IL1RAPL1: variants seen among roughly 807,000 people sequenced by gnomAD.
IL1RAPL1 encodes the protein interleukin-1 receptor accessory protein-like 1.
In IL1RAPL1, 3 loss-of-function variants were observed where a neutral mutation model predicts 48.4. The ratio of observed to expected loss-of-function variants is 0.06; its 90% CI spans 0.03 to 0.16. The LOEUF (loss-of-function observed/expected upper bound fraction) is 0.16, where lower values mean the gene tolerates loss of function less well. IL1RAPL1 is among the 10% of genes least tolerant of loss of function. The pLI is 1.00. For synonymous variants in IL1RAPL1, 185 were observed against 187.7 expected, an observed-to-expected ratio of 0.99 and a Z score of 0.12; for missense variants, 349 against 530.6, an observed-to-expected ratio of 0.66 and a Z score of 3.36.
chrX:29,029,493 T>G (rs1406839959), intron 2 of IL1RAPL1, among the ~76,000 whole-genome samples: 1 of 111,849 alleles, frequency 8.9e-6, no homozygotes, highest in Non-Finnish European at 1.9e-5. Flanking sequence ...ACCCAGGTGC[T>G]ATAATCTCTC....
chrX:28,812,583 T>C (rs1936804446), intron 2 of IL1RAPL1, among the ~76,000 whole-genome samples: 1 of 111,330 alleles, frequency 9.0e-6, no homozygotes, highest in South Asian at 3.6e-4. Context: ...TTTAATTTCA[T>C]ATGTCTAGAT....
At chrX:29,491,846 T>C (rs1295495802) in intron 5 of IL1RAPL1, among the ~76,000 whole-genome samples, 1 of 111,303 alleles carries the variant, frequency 9.0e-6, no homozygotes, top group Non-Finnish European at 1.9e-5. Context: ...ATCACCTTCT[T>C]CTTCAGTTGT....
chrX:29,570,657 T>A (rs1922562255), intron 5 of IL1RAPL1, among the ~76,000 whole-genome samples: 1 of 112,247 alleles, frequency 8.9e-6, no homozygotes, highest in African/African-American at 3.2e-5. Context: ...ATAGTAAGTC[T>A]GCCAAAGATC....
At chrX:29,443,482 A>T (rs973632718) in intron 5 of IL1RAPL1, among the ~76,000 whole-genome samples, 20 of 110,634 alleles carry the variant, frequency 1.8e-4, no homozygotes, top group African/African-American at 6.2e-4. Context: ...TCCCTTTGTG[A>T]CTCTGTTCAT....
intron 2 of IL1RAPL1, among the ~76,000 whole-genome samples, chrX:29,076,778 A>ATCTGTCTGTCTG (rs1175863903): frequency 1.0e-5 from 1 of 95,403 alleles, no homozygotes; most frequent in Non-Finnish European, 2.1e-5. Context: ...AGATCTATCT[A>ATCTGTCTGTCTG]TCTGTCTGTC....
At chrX:29,469,715 T>C (rs779001781) in intron 5 of IL1RAPL1, among the ~76,000 whole-genome samples, 4 of 111,835 alleles carry the variant, frequency 3.6e-5, no homozygotes, top group Non-Finnish European at 7.5e-5. Context: ...ATATTTTCTG[T>C]TCTCTACTCT....
At chrX:29,501,511 T>C (rs996285458) in intron 5 of IL1RAPL1, among the ~76,000 whole-genome samples, 2 of 111,768 alleles carry the variant, frequency 1.8e-5, no homozygotes, top group Non-Finnish European at 3.8e-5. Flanking sequence ...GAAATCTTTT[T>C]TCATTCTTCT....
At chrX:29,307,935 T>G (rs1198462565) in intron 3 of IL1RAPL1, among the ~76,000 whole-genome samples, 1 of 112,378 alleles carries the variant, frequency 8.9e-6, no homozygotes, top group Non-Finnish European at 1.9e-5. Context: ...TTAAAATCTT[T>G]AGAAAGAAAA....
chrX:28,840,808 T>A (rs1921351818), intron 2 of IL1RAPL1, among the ~76,000 whole-genome samples: 1 of 110,633 alleles, frequency 9.0e-6, no homozygotes, highest in Non-Finnish European at 1.9e-5. Flanking sequence ...CCCTGGAAGC[T>A]AGAATGAGAC....
intron 5 of IL1RAPL1, among the ~76,000 whole-genome samples, chrX:29,495,876 C>CCTCTCT: frequency 9.3e-6 from 1 of 107,418 alleles, no homozygotes; most frequent in Non-Finnish European, 1.9e-5. Flanking sequence ...TCTCTGTCTT[C>CCTCTCT]CTCTCTCTCT....
chrX:29,202,976 A>G (rs1930586105), intron 2 of IL1RAPL1, among the ~76,000 whole-genome samples: 1 of 111,656 alleles, frequency 9.0e-6, no homozygotes, highest in Non-Finnish European at 1.9e-5. Context: ...TTACCTATAT[A>G]ACAAACCTGC....
intron 5 of IL1RAPL1, among the ~76,000 whole-genome samples, chrX:29,464,150 CTG>C: frequency 8.9e-6 from 1 of 112,099 alleles, no homozygotes; most frequent in East Asian, 2.8e-4. Flanking sequence ...TTGATATTAA[CTG>C]TATGTTTATT....
At chrX:29,066,989 G>A (rs1028623953) in intron 2 of IL1RAPL1, among the ~76,000 whole-genome samples, 11 of 111,885 alleles carry the variant, frequency 9.8e-5, no homozygotes, top group African/African-American at 2.9e-4. Context: ...TGTAGACCAT[G>A]TGTAAACGCC....
At chrX:29,426,365 A>G (rs1003569553) in intron 5 of IL1RAPL1, among the ~76,000 whole-genome samples, 6 of 111,582 alleles carry the variant, frequency 5.4e-5, no homozygotes, top group Admixed American at 9.6e-5. Context: ...TATGGTTTCT[A>G]TTTTACAAAC....
At chrX:29,848,810 G>C (rs1179934858) in intron 6 of IL1RAPL1, among the ~76,000 whole-genome samples, 1 of 110,971 alleles carries the variant, frequency 9.0e-6, no homozygotes, top group Non-Finnish European at 1.9e-5. Flanking sequence ...CTGTCACCCA[G>C]GTTGGAGTGC....
intron 5 of IL1RAPL1, among the ~76,000 whole-genome samples, chrX:29,600,035 C>A (rs752385517): frequency 8.9e-6 from 1 of 112,059 alleles, no homozygotes; most frequent in Non-Finnish European, 1.9e-5. Flanking sequence ...TTGGAGATTT[C>A]ATCTTGGTTT....
chrX:28,622,662 A>G (rs747538834), intron 1 of IL1RAPL1, among the ~76,000 whole-genome samples: 1 of 112,049 alleles, frequency 8.9e-6, no homozygotes, highest in Admixed American at 9.5e-5. Flanking sequence ...TACTTGGGGT[A>G]TAAAATGCTA....
At chrX:29,779,698 AGTT>A (rs1014479299) in intron 6 of IL1RAPL1, among the ~76,000 whole-genome samples, 11 of 111,911 alleles carry the variant, frequency 9.8e-5, no homozygotes, top group African/African-American at 3.2e-4. Flanking sequence ...ACACTTAGGA[AGTT>A]GTTGTACTAT....
chrX:29,433,277 ATCTT>A, intron 5 of IL1RAPL1, among the ~76,000 whole-genome samples: 1 of 110,816 alleles, frequency 9.0e-6, no homozygotes, highest in East Asian at 2.8e-4. Flanking sequence ...CCTTCCAGAG[ATCTT>A]TCTAACCATA....
Sources: allele counts gnomAD v4.1 joint callset (sites outside exome capture counted in the v4.1 genomes callset), GRCh38; gene constraint gnomAD v4.1.1; transcripts MANE v1.5; gene names NCBI Gene and HGNC (gene_info 2026-07-23, HGNC 2026-07-21).